GABRB3: variants seen among roughly 807,000 people sequenced by gnomAD.
GABRB3 encodes gamma-aminobutyric acid type A receptor subunit beta3.
Under a neutral mutation model 52.1 loss-of-function variants are expected in GABRB3, and 14 were observed. The ratio of observed to expected loss-of-function variants is 0.27; its 90% CI spans 0.18 to 0.42. The LOEUF (loss-of-function observed/expected upper bound fraction) is 0.42, where lower values mean the gene tolerates loss of function less well. Among genes scored for constraint, GABRB3 ranks in the 10% least tolerant of loss-of-function variants. GABRB3 has a pLI of 1.00. For missense variants in GABRB3, 307 were observed against 609.1 expected (o/e 0.50, Z 5.22); for synonymous variants, 260 against 232.3 (o/e 1.12, Z -1.08).
chr15:26,684,779 G>C (rs559795717), intron 3 of GABRB3, among the ~76,000 whole-genome samples: 1 of 152,138 alleles, frequency 6.6e-6, no homozygotes, highest in African/African-American at 2.4e-5. Flanking sequence ...TCAGCTCGCC[G>C]TCTTCTATGG....
At chr15:26,622,986 AAAG>A (rs752681123) in intron 3 of GABRB3, among the ~76,000 whole-genome samples, 12 of 152,206 alleles carry the variant, frequency 7.9e-5, no homozygotes, top group Non-Finnish European at 1.6e-4. Flanking sequence ...AAGCAGATGA[AAAG>A]AAGCAGGCAT....
At chr15:26,563,550 G>C (rs1030581181) in intron 7 of GABRB3, among the ~76,000 whole-genome samples, 1 of 152,180 alleles carries the variant, frequency 6.6e-6, no homozygotes, top group East Asian at 1.9e-4. Flanking sequence ...TGCCTCTGTG[G>C]GTCTGTAGCC....
intron 4 of GABRB3, among the ~76,000 whole-genome samples, chr15:26,607,090 T>C (rs2140511228): frequency 6.6e-6 from 1 of 152,246 alleles, no homozygotes; most frequent in Admixed American, 6.5e-5. Context: ...ATCTCGCTGT[T>C]TCTGTACCTC....
intron 3 of GABRB3, among the ~76,000 whole-genome samples, chr15:26,627,878 G>A (rs1454743375): frequency 6.6e-6 from 1 of 152,202 alleles, no homozygotes; most frequent in Admixed American, 6.5e-5. Context: ...TCTACTCTGG[G>A]TAAAATGCTA....
At chr15:26,760,673 T>C (rs1156238873) in intron 3 of GABRB3, among the ~76,000 whole-genome samples, 5 of 151,562 alleles carry the variant, frequency 3.3e-5, no homozygotes, top group African/African-American at 1.2e-4. Context: ...GAAAGATAAA[T>C]GGATAATTGA....
At chr15:26,668,159 AACAGTAACAGG>A (rs930797781) in intron 3 of GABRB3, among the ~76,000 whole-genome samples, 3 of 152,166 alleles carry the variant, frequency 2.0e-5, no homozygotes, top group Admixed American at 1.3e-4. Flanking sequence ...ATAGAAAGGG[AACAGTAACAGG>A]ACCTACCTCA....
intron 4 of GABRB3, chr15:26,613,248 T>C (rs28438475): frequency 0.19 from 28,487 of 151,518 alleles, 3,718 homozygotes; most frequent in East Asian, 0.72. Context: ...CCATCTCTAC[T>C]AAAAATACAA....
intron 8 of GABRB3, among the ~76,000 whole-genome samples, chr15:26,552,208 T>C (rs1889498890): frequency 6.6e-6 from 1 of 152,070 alleles, no homozygotes; most frequent in African/African-American, 2.4e-5. Context: ...GGTTTCTCCA[T>C]GTTGGTCAGG....
intron 5 of GABRB3, chr15:26,580,707 G>C: frequency 1.8e-6 from 1 of 555,086 alleles, no homozygotes; most frequent in Non-Finnish European, 3.3e-6. Context: ...TCTGACCAGA[G>C]TTCTATTTGC....
intron 3 of GABRB3, among the ~76,000 whole-genome samples, chr15:26,745,408 T>C (rs1196691501): frequency 6.6e-6 from 1 of 152,176 alleles, no homozygotes; most frequent in African/African-American, 2.4e-5. Flanking sequence ...TATAGTACAA[T>C]ATCAAAACCA....
At chr15:26,584,868 C>T (rs1890922498) in intron 4 of GABRB3, among the ~76,000 whole-genome samples, 1 of 152,110 alleles carries the variant, frequency 6.6e-6, no homozygotes, top group African/African-American at 2.4e-5. Context: ...GACAGCAAGC[C>T]ATTAGTGGGT....
chr15:26,568,685 T>TGTTTTTTTTTTC (rs56028544), intron 6 of GABRB3, among the ~76,000 whole-genome samples: 1 of 80,190 alleles, frequency 1.2e-5, no homozygotes. Context: ...TTTTTTTTGG[T>TGTTTTTTTTTTC]TTTGTATGTT....
chr15:26,705,860 T>A (rs1478350367), intron 3 of GABRB3, among the ~76,000 whole-genome samples: 1 of 152,054 alleles, frequency 6.6e-6, no homozygotes, highest in Middle Eastern at 3.2e-3. Flanking sequence ...TTCATGGACA[T>A]AAAGATGGGA....
At chr15:26,635,010 A>ATATTATATAT (rs10676156) in intron 3 of GABRB3, among the ~76,000 whole-genome samples, 1 of 74,862 alleles carries the variant, frequency 1.3e-5, no homozygotes, top group South Asian at 5.2e-4. Context: ...ATATATATAT[A>ATATTATATAT]ATATATATAT....
intron 3 of GABRB3, among the ~76,000 whole-genome samples, chr15:26,686,682 G>C (rs1018372450): frequency 6.6e-6 from 1 of 152,214 alleles, no homozygotes; most frequent in Non-Finnish European, 1.5e-5. Context: ...GCCTTGCCTT[G>C]CCCTGACAGT....
At chr15:26,593,828 T>C (rs1891294120) in intron 4 of GABRB3, among the ~76,000 whole-genome samples, 2 of 151,740 alleles carry the variant, frequency 1.3e-5, no homozygotes, top group African/African-American at 4.8e-5. Context: ...TACCTAGAAG[T>C]GGAATTGTGG....
At chr15:26,689,461 T>C (rs761302863) in intron 3 of GABRB3, among the ~76,000 whole-genome samples, 1 of 151,912 alleles carries the variant, frequency 6.6e-6, no homozygotes, top group Non-Finnish European at 1.5e-5. Flanking sequence ...CAGAGTGAGG[T>C]GGTCAAGTAA....
intron 4 of GABRB3, among the ~76,000 whole-genome samples, chr15:26,589,922 TTGG>T (rs1891131440): frequency 6.6e-6 from 1 of 152,156 alleles, no homozygotes; most frequent in Non-Finnish European, 1.5e-5. Context: ...TTAGTCCTTC[TTGG>T]CTTTAATGTC....
chr15:26,710,150 A>G (rs1044674607), intron 3 of GABRB3, among the ~76,000 whole-genome samples: 3 of 152,232 alleles, frequency 2.0e-5, no homozygotes, highest in Non-Finnish European at 4.4e-5. Context: ...TGGTACAGAT[A>G]GGCCATATTT....
Sources: gnomAD v4.1 joint callset for allele counts (sites outside exome capture counted in the v4.1 genomes callset) on GRCh38, gnomAD v4.1.1 for gene constraint, MANE v1.5 for transcripts, NCBI Gene and HGNC (gene_info 2026-07-23, HGNC 2026-07-21) for gene names.